PAPPA: variants seen among roughly 807,000 people sequenced by gnomAD.
PAPPA encodes the protein pappalysin-1.
PAPPA carries 60 observed loss-of-function variants against 164.0 expected under a neutral mutation model. That is an observed-to-expected ratio of 0.37 (90% confidence interval 0.30 to 0.45). The LOEUF (loss-of-function observed/expected upper bound fraction) is 0.45, where lower values mean the gene tolerates loss of function less well. PAPPA is among the 20% of genes least tolerant of loss of function. The pLI, the probability that PAPPA is intolerant of heterozygous loss-of-function variation, is 1.00. For missense variants in PAPPA, 1,782 were observed against 2,087.3 expected, an observed-to-expected ratio of 0.85 and a Z score of 2.85; for synonymous variants, 875 against 814.1, an observed-to-expected ratio of 1.07 and a Z score of -1.27.
At chr9:116,162,667 C>T (rs963920646) in intron 1 of PAPPA, among the ~76,000 whole-genome samples, 4 of 152,154 alleles carry the variant, frequency 2.6e-5, no homozygotes, top group African/African-American at 7.2e-5. Flanking sequence ...ATTAACTGGG[C>T]CTCCATGTGG....
intron 21 of PAPPA, among the ~76,000 whole-genome samples, chr9:116,387,156 G>GCTT (rs1205980023): frequency 6.6e-6 from 1 of 152,054 alleles, no homozygotes; most frequent in Admixed American, 6.5e-5. Flanking sequence ...CTTAATATGT[G>GCTT]CTTCGCTGTG....
intron 7 of PAPPA, among the ~76,000 whole-genome samples, chr9:116,238,464 G>A (rs1844697460): frequency 6.6e-6 from 1 of 152,186 alleles, no homozygotes; most frequent in African/African-American, 2.4e-5. Flanking sequence ...AATATGTAAT[G>A]AGAACATTCT....
At chr9:116,376,435 A>T (rs889326020) in intron 19 of PAPPA, among the ~76,000 whole-genome samples, 23 of 152,154 alleles carry the variant, frequency 1.5e-4, no homozygotes, top group African/African-American at 5.3e-4. Context: ...ATTTTATGTT[A>T]TGAGCTTTAT....
intron 10 of PAPPA, among the ~76,000 whole-genome samples, chr9:116,329,961 A>G (rs1845968705): frequency 6.6e-6 from 1 of 152,160 alleles, no homozygotes; most frequent in African/African-American, 2.4e-5. Flanking sequence ...TTCCTACTAT[A>G]TTTATTGTAG....
rs541749466 is a variant in PAPPA at position 116,309,848 on chromosome 9, AAAG to A, written c.3147+6904_3147+6906del. ...GGGGGCTAACATGTTTGGATCATTG[AAAG>A]AAGAACATTGACAAGTGTTGAACAC... On this transcript the variant is annotated intron_variant, in intron 10 of 21. Transcript: ENST00000328252. 8.9e-4 allele frequency among the ~76,000 whole-genome samples: 136 copies of A among 152,252 alleles called. 1 individual carries two copies. The South Asian group carries it at 0.017, about 19-fold the overall frequency.
At chr9:116,228,983 T>A (rs1234204523) in intron 6 of PAPPA, among the ~76,000 whole-genome samples, 1 of 152,162 alleles carries the variant, frequency 6.6e-6, no homozygotes, top group Non-Finnish European at 1.5e-5. Context: ...CACTATATGC[T>A]GGGCACTGTC....
intron 15 of PAPPA, among the ~76,000 whole-genome samples, chr9:116,348,185 A>G (rs375500933): frequency 6.6e-6 from 1 of 151,902 alleles, no homozygotes; most frequent in East Asian, 1.9e-4. Flanking sequence ...CTCTATTTCC[A>G]TATTGATCAA....
intron 1 of PAPPA, among the ~76,000 whole-genome samples, chr9:116,156,334 G>GTGTGTATA (rs1554730866): frequency 1.4e-5 from 2 of 139,590 alleles, no homozygotes; most frequent in African/African-American, 5.3e-5. Flanking sequence ...ATATATATGT[G>GTGTGTATA]TATATATATA....
At chr9:116,290,475 A>G (rs1291049268) in intron 9 of PAPPA, among the ~76,000 whole-genome samples, 1 of 152,084 alleles carries the variant, frequency 6.6e-6, no homozygotes, top group Non-Finnish European at 1.5e-5. Flanking sequence ...AAAAGGGATC[A>G]CAAAGCTACT....
intron 18 of PAPPA, among the ~76,000 whole-genome samples, chr9:116,364,547 T>C (rs1379009931): frequency 1.3e-5 from 2 of 152,076 alleles, no homozygotes; most frequent in East Asian, 3.9e-4. Context: ...CACATAAACC[T>C]ATACACAGCA....
chr9:116,185,377 CAA>C (rs1269612268), intron 1 of PAPPA, among the ~76,000 whole-genome samples: 1 of 152,162 alleles, frequency 6.6e-6, no homozygotes, highest in Non-Finnish European at 1.5e-5. Flanking sequence ...CAGCTGCTGA[CAA>C]AGAGATTTAC....
At chr9:116,262,439 TA>T (rs1301796532) in intron 7 of PAPPA, among the ~76,000 whole-genome samples, 2 of 152,334 alleles carry the variant, frequency 1.3e-5, no homozygotes, top group East Asian at 1.9e-4. Flanking sequence ...GCTAAAATTT[TA>T]GTTCCAAAGA....
intron 10 of PAPPA, among the ~76,000 whole-genome samples, chr9:116,323,994 A>C (rs149549553): frequency 1.3e-5 from 2 of 152,286 alleles, no homozygotes; most frequent in African/African-American, 4.8e-5. Context: ...TCCGGGGCAG[A>C]CCTGAAAAGG....
intron 4 of PAPPA, among the ~76,000 whole-genome samples, chr9:116,215,399 T>C (rs1252000107): frequency 6.6e-6 from 1 of 152,188 alleles, no homozygotes; most frequent in East Asian, 1.9e-4. Context: ...ACATATGGAA[T>C]ACTATGCATC....
At chr9:116,293,683 G>A (rs189484908) in intron 9 of PAPPA, among the ~76,000 whole-genome samples, 39 of 152,324 alleles carry the variant, frequency 2.6e-4, no homozygotes, top group Non-Finnish European at 4.7e-4. Context: ...GGCTGGGCAC[G>A]GTGGCTCATG....
chr9:116,178,975 A>G (rs1843868992), intron 1 of PAPPA, among the ~76,000 whole-genome samples: 2 of 152,374 alleles, frequency 1.3e-5, no homozygotes, highest in Non-Finnish European at 2.9e-5. Flanking sequence ...TGTACCACAT[A>G]AGTCTGTGTA....
chr9:116,248,862 C>T (rs1844827450), intron 7 of PAPPA, among the ~76,000 whole-genome samples: 1 of 152,168 alleles, frequency 6.6e-6, no homozygotes, highest in South Asian at 2.1e-4. Flanking sequence ...CATGATAATA[C>T]ACATCATATC....
chr9:116,307,818 C>T (rs1845666595), intron 10 of PAPPA, among the ~76,000 whole-genome samples: 1 of 151,982 alleles, frequency 6.6e-6, no homozygotes. Context: ...ACATGGAAAC[C>T]TTGAGTAAGT....
At chr9:116,345,841 C>T (rs1475871884) in intron 14 of PAPPA, among the ~76,000 whole-genome samples, 1 of 152,112 alleles carries the variant, frequency 6.6e-6, no homozygotes, top group African/African-American at 2.4e-5. Flanking sequence ...CCAGGTGGGG[C>T]TTGGGGGAGT....
Sources: gnomAD v4.1 joint callset for allele counts (sites outside exome capture counted in the v4.1 genomes callset) on GRCh38, gnomAD v4.1.1 for gene constraint, MANE v1.5 for transcripts, NCBI Gene and HGNC (gene_info 2026-07-23, HGNC 2026-07-21) for gene names.